Variants in CCNG2 observed in about 807,000 individuals in gnomAD.
CCNG2 encodes the protein cyclin-G2.
CCNG2 carries 20 observed loss-of-function variants against 36.5 expected under a neutral mutation model. The ratio of observed to expected loss-of-function variants is 0.55; its 90% CI spans 0.39 to 0.80. The LOEUF is 0.80. Among genes scored for constraint, CCNG2 ranks in the 30% least tolerant of loss-of-function variants. The pLI, the probability that CCNG2 is intolerant of heterozygous loss-of-function variation, is 0.00. For synonymous variants in CCNG2, 155 were observed against 140.1 expected, an observed-to-expected ratio of 1.11 and a Z score of -0.75; for missense variants, 358 against 390.8, an observed-to-expected ratio of 0.92 and a Z score of 0.71.
At chr4:77,160,530 T>TGGG (rs1245749035) in intron 3 of CCNG2, among the ~76,000 whole-genome samples, 191 bp from the exon 4 acceptor site, 1 of 109,916 alleles carries the variant, frequency 9.1e-6, no homozygotes, top group African/African-American at 4.9e-5. Context: ...GCCTTTTTTT[T>TGGG]TGGGGGGGGG....
In CCNG2 at chr4:77,166,656, T is replaced by C. The variant is rs1308901558; in HGVS notation, c.*732T>C. ...AAATCCATAATCTGCTAGTTTTGCA[T>C]GTACTTATATGAAAACAGTGCAGTA... On this transcript the variant is annotated 3_prime_UTR_variant, in exon 8 of 8. Transcript: ENST00000316355. 2.0e-5 allele frequency: 3 copies of C among 152,250 alleles called. No homozygotes were observed. The highest frequency in any genetic ancestry group is 4.4e-5 in the Non-Finnish European group (3 of 68,034). 9.4% of individuals were successfully genotyped at this position (152,250 alleles called of 1,614,324 possible).
At chr4:77,158,317 G>T (rs1204386789) in intron 1 of CCNG2, 1 of 562,132 alleles carries the variant, frequency 1.8e-6, no homozygotes, top group Non-Finnish European at 3.2e-6. Context: ...AGCGCTGGCC[G>T]GCGGACCTGA....
At chr4:77,161,840 C>G in intron 6 of CCNG2, 93 bp downstream of exon 6, 1 of 734,182 alleles carries the variant, frequency 1.4e-6, no homozygotes, top group Non-Finnish European at 2.3e-6. Context: ...CTTTATGGGA[C>G]TCTTAACTTT....
At chr4:77,164,196 A>G (rs890836622) in intron 6 of CCNG2, 78 bp from the exon 7 acceptor site, 10 of 995,008 alleles carry the variant, frequency 1.0e-5, no homozygotes, top group African/African-American at 9.8e-5. Flanking sequence ...TATATTTTTC[A>G]TAGCTCACCT....
intron 6 of CCNG2, among the ~76,000 whole-genome samples, chr4:77,162,555 A>G (rs1450752170): frequency 6.6e-6 from 1 of 151,376 alleles, no homozygotes; most frequent in African/African-American, 2.4e-5. Flanking sequence ...GCTAATTTTT[A>G]TATTTTTGGT....
Position 77,165,974 on chromosome 4 carries a change from A to C in CCNG2, c.*50A>C, listed in dbSNP as rs778906792. ...TATATTTACAGGTTTCAAAGCAATA[A>C]ATGGGGGAATAGGTAGTTTCCTGGT... On this transcript the variant is annotated 3_prime_UTR_variant, in exon 8 of 8. Transcript: ENST00000316355. 6.5e-7 allele frequency: 1 copy of C among 1,541,384 alleles called. No homozygotes were observed. The highest frequency in any genetic ancestry group is 8.7e-7 in the Non-Finnish European group (1 of 1,143,036).
intron 3 of CCNG2, among the ~76,000 whole-genome samples, chr4:77,160,467 A>C (rs1731397659): frequency 7.4e-6 from 1 of 134,596 alleles, no homozygotes; most frequent in African/African-American, 2.9e-5. Context: ...CAGTCCTCCC[A>C]CCTCAGCCTC....
intron 6 of CCNG2, among the ~76,000 whole-genome samples, chr4:77,162,903 T>A (rs981820993): frequency 6.6e-6 from 1 of 151,878 alleles, no homozygotes; most frequent in African/African-American, 2.4e-5. Flanking sequence ...GCTGTCCAAC[T>A]CAAACAGTGG....
At chr4:77,160,698 G>A in intron 3 of CCNG2, 23 bp from the exon 4 acceptor site, 1 of 1,603,202 alleles carries the variant, frequency 6.2e-7, no homozygotes, top group Non-Finnish European at 8.5e-7. Flanking sequence ...GTTGTTAAAA[G>A]AAGCCTCTTG....
Position 77,161,097 on chromosome 4 carries a change from A to ATTTTTTTTTTT in CCNG2, c.527+127_527+128insTTTTTTTTTTT, listed in dbSNP as rs150342928. 4 of 472,986 alleles carry ATTTTTTTTTTT rather than the reference A, an allele frequency of 8.5e-6. No homozygotes were observed. In the African/African-American group the frequency reaches 1.3e-4, roughly 15 times the overall value. The allele number at this position is 472,986 out of a possible 1,614,324, so 29.3% of individuals were successfully genotyped here. A position where few individuals can be genotyped will look rare whatever the true frequency, so the allele number is the denominator to read the frequency against. ...CTTTCAACTTTGACTTTATTGGTAA[A>ATTTTTTTTTTT]TCTTTTTTTTTTTTTTTTTTTGGAG... On this transcript the variant is annotated intron_variant, in intron 4 of 7. Transcript: ENST00000316355.
At position 77,164,399 on chromosome 4, in the gene CCNG2, C is replaced by T. The variant is rs1731569527; in HGVS notation, c.831C>T (p.Ala277=). The part of the protein sequence containing the change: ...KLVWIVSRRT[A]QNLHNSYYSV... The stretch of plus-strand genomic sequence containing the variant: ...TTTGGATCGTTTCAAGGCGCACAGC[C>T]CAGAACCTCCACAACAGCTACTATA... The change falls in exon 7 of 8, where the codon GCC becomes GCT. Residue 277 remains alanine (A), a synonymous_variant. Coordinates refer to ENST00000316355, the MANE Select transcript of CCNG2 (RefSeq NM_004354.3). 7 of 1,613,916 alleles carry T rather than the reference C, an allele frequency of 4.3e-6. No homozygotes were observed. Among genetic ancestry groups the T allele is most frequent in the Non-Finnish European group, 5.9e-6 (7 of 1,179,990 alleles).
chr4:77,160,535 G>GGT (rs1553894303), intron 3 of CCNG2, among the ~76,000 whole-genome samples, 186 bp from the exon 4 acceptor site: 3 of 148,970 alleles, frequency 2.0e-5, no homozygotes, highest in African/African-American at 5.0e-5. Context: ...TTTTTTTGGG[G>GGT]GGGGGGGGAG....
intron 1 of CCNG2, 196 bp from the exon 2 acceptor site, chr4:77,158,337 C>T (rs1051892403): frequency 3.5e-6 from 2 of 574,298 alleles, no homozygotes; most frequent in East Asian, 3.0e-5. Flanking sequence ...ACCACGGCTC[C>T]TCCCCCTGCC....
Position 77,165,876 on chromosome 4 carries a change from C to A in CCNG2, c.987C>A (p.Thr329=), listed in dbSNP as rs563766657. The change falls in exon 8 of 8, where the codon ACC becomes ACA. Residue 329 remains threonine (T), a synonymous_variant. Coordinates refer to ENST00000316355, the MANE Select transcript of CCNG2 (RefSeq NM_004354.3). ...SSSPPSDQEC[T]FFFNFKVAQT... ...CTCCTCCCAGTGATCAAGAGTGCACCTTCTTTTTCAACTTCAAAGTGGCAC... is the reference window on the plus strand; with the variant it reads ...CTCCTCCCAGTGATCAAGAGTGCACATTCTTTTTCAACTTCAAAGTGGCAC... The A allele has an allele frequency of 9.3e-6, 15 of 1,611,608 alleles. No homozygotes were observed. The South Asian group carries it at 1.7e-4, about 18-fold the overall frequency.
Position 77,165,940 on chromosome 4 carries a change from G to C in CCNG2, c.*16G>C, listed in dbSNP as rs764120063. 3 of 1,587,674 alleles carry C rather than the reference G, an allele frequency of 1.9e-6. No homozygotes were observed. Among genetic ancestry groups the C allele is most frequent in the Non-Finnish European group, 2.6e-6 (3 of 1,171,522 alleles). On this transcript the variant is annotated 3_prime_UTR_variant, in exon 8 of 8. Transcript: ENST00000316355. The stretch of plus-strand genomic sequence containing the variant: ...TCCATCTTAGAAATCTGATTGTTCT[G>C]TCAGAATTTATATTTACAGGTTTCA...
intron 1 of CCNG2, chr4:77,158,310 G>A: frequency 3.6e-6 from 2 of 555,520 alleles, no homozygotes; most frequent in Non-Finnish European, 6.4e-6. Context: ...CTTACCCAGC[G>A]CTGGCCGGCG....
intron 4 of CCNG2, 81 bp from the exon 5 acceptor site, chr4:77,161,399 G>T: frequency 8.9e-7 from 1 of 1,121,642 alleles, no homozygotes. Context: ...ACCGCGTCTG[G>T]CCCTGGCAAA....
Position 77,165,903 on chromosome 4 carries a change from A to G in CCNG2, c.1014A>G (p.Gln338=). 3 of 1,607,456 alleles carry G rather than the reference A, an allele frequency of 1.9e-6. No homozygotes were observed. Among genetic ancestry groups the G allele is most frequent in the East Asian group, 2.2e-5 (1 of 44,680 alleles). The stretch of plus-strand genomic sequence containing the variant: ...TCTTTTTCAACTTCAAAGTGGCACA[A>G]ACACTGTGCTTTCCATCTTAGAAAT... ...CTFFFNFKVA[Q]TLCFPS Residue 338 remains glutamine, a synonymous_variant, in exon 8 of 8, where the codon CAA becomes CAG. Transcript: ENST00000316355.
At chr4:77,163,808 A>G (rs532048409) in intron 6 of CCNG2, among the ~76,000 whole-genome samples, 50 of 152,340 alleles carry the variant, frequency 3.3e-4, no homozygotes, top group Non-Finnish European at 5.3e-4. Flanking sequence ...TGGTGTTATA[A>G]GTGTGTATTA....
Sources: gnomAD v4.1 joint callset for allele counts (sites outside exome capture counted in the v4.1 genomes callset) on GRCh38, gnomAD v4.1.1 for gene constraint, MANE v1.5 for transcripts, NCBI Gene and HGNC (gene_info 2026-07-23, HGNC 2026-07-21) for gene names.